Variants in TPM4 observed in about 807,000 individuals in gnomAD.
TPM4 encodes the protein tropomyosin alpha-4 chain.
TPM4 carries 17 observed loss-of-function variants against 35.8 expected under a neutral mutation model. The observed-to-expected ratio is 0.47, with a 90% CI of 0.32 to 0.71. TPM4 has a LOEUF of 0.71. Among genes scored for constraint, TPM4 ranks in the 30% least tolerant of loss-of-function variants. The pLI, the probability that TPM4 is intolerant of heterozygous loss-of-function variation, is 0.03. For missense variants in TPM4, 240 were observed against 320.9 expected, an observed-to-expected ratio of 0.75 and a Z score of 1.93; for synonymous variants, 120 against 122.9, an observed-to-expected ratio of 0.98 and a Z score of 0.15.
At chr19:16,085,021 C>T (rs1401979269) in intron 2 of TPM4, among the ~76,000 whole-genome samples, 2 of 152,050 alleles carry the variant, frequency 1.3e-5, no homozygotes, top group African/African-American at 2.4e-5. Flanking sequence ...CTTTGGGAGG[C>T]GGGCGGATCG....
intron 1 of TPM4, chr19:16,080,840 G>A (rs941638528): frequency 2.6e-5 from 10 of 391,620 alleles, no homozygotes; most frequent in African/African-American, 1.7e-4. Flanking sequence ...ATGACAAAGC[G>A]GGGATTCCAG....
At chr19:16,088,679 C>G in intron 4 of TPM4, 1 of 1,053,334 alleles carries the variant, frequency 9.5e-7, no homozygotes, top group South Asian at 3.3e-5. Context: ...CCCCTGCAAA[C>G]TCCCATTGCT....
chr19:16,090,069 G>A (rs1384672742), intron 5 of TPM4, among the ~76,000 whole-genome samples: 2 of 151,904 alleles, frequency 1.3e-5, no homozygotes, highest in South Asian at 4.1e-4. Flanking sequence ...GATCTCAAGT[G>A]ATCTGCCCGC....
Position 16,101,245 on chromosome 19 carries a change from T to C in TPM4, c.665-19T>C. 1 of 1,556,036 alleles carries C rather than the reference T, an allele frequency of 6.4e-7. No homozygotes were observed. The highest frequency in any genetic ancestry group is 8.7e-7 in the Non-Finnish European group (1 of 1,153,432). Reference sequence around the variant, plus strand: ...ACGCTTATTAATTTATCTTTCCCCATACTCTTAATCCTCACCAGAGAAACT... The same window carrying C: ...ACGCTTATTAATTTATCTTTCCCCACACTCTTAATCCTCACCAGAGAAACT... On this transcript the variant is annotated intron_variant, in intron 7 of 7. Transcript: ENST00000643579.
At chr19:16,085,529 G>T (rs1042648405) in intron 2 of TPM4, among the ~76,000 whole-genome samples, 1 of 151,168 alleles carries the variant, frequency 6.6e-6, no homozygotes, top group African/African-American at 2.4e-5. Context: ...GGGCACCACT[G>T]CACTCCAACC....
At chr19:16,069,352 T>C (rs1303075612) in intron 2 of TPM4, among the ~76,000 whole-genome samples, 1 of 152,218 alleles carries the variant, frequency 6.6e-6, no homozygotes, top group Non-Finnish European at 1.5e-5. Context: ...TGTGTTTCTA[T>C]TGGTGTGTAT....
intron 2 of TPM4, among the ~76,000 whole-genome samples, chr19:16,082,588 G>A (rs1053650630): frequency 7.2e-5 from 11 of 152,200 alleles, no homozygotes; most frequent in East Asian, 5.8e-4. Flanking sequence ...CAAACAGAAC[G>A]GGCAGATGTG....
At chr19:16,076,949 A>C (rs2090416018) in intron 1 of TPM4, 1 of 706,662 alleles carries the variant, frequency 1.4e-6, no homozygotes, top group South Asian at 6.2e-5. Flanking sequence ...GCCAAGCGGG[A>C]AATGGGGGGA....
At chr19:16,094,755 A>G (rs1369990054) in intron 7 of TPM4, among the ~76,000 whole-genome samples, 1 of 152,160 alleles carries the variant, frequency 6.6e-6, no homozygotes, top group Non-Finnish European at 1.5e-5. Flanking sequence ...AATTTTTTCA[A>G]GAGTTCCAGT....
At chr19:16,093,891 A>C (rs954627150) in intron 7 of TPM4, 138 bp downstream of exon 7, 1 of 810,082 alleles carries the variant, frequency 1.2e-6, no homozygotes, top group African/African-American at 1.7e-5. Flanking sequence ...TAGTGATGTC[A>C]TATCTGGATG....
At chr19:16,094,754 AAGAGT>A (rs2090673472) in intron 7 of TPM4, among the ~76,000 whole-genome samples, 2 of 152,216 alleles carry the variant, frequency 1.3e-5, no homozygotes, top group Middle Eastern at 3.4e-3. Flanking sequence ...GAATTTTTTC[AAGAGT>A]TCCAGTGTTT....
At chr19:16,098,537 G>A (rs2090727877) in intron 7 of TPM4, among the ~76,000 whole-genome samples, 5 of 152,254 alleles carry the variant, frequency 3.3e-5, no homozygotes, top group Admixed American at 3.3e-4. Flanking sequence ...GATTCTCAAG[G>A]GCAGTTAACA....
At position 16,079,792 on chromosome 19, in the gene TPM4, C is replaced by T. The variant is rs535009232; in HGVS notation, c.133-2121C>T. 9 of 177,524 alleles carry T rather than the reference C, an allele frequency of 5.1e-5. No homozygotes were observed. In the East Asian group the frequency reaches 5.7e-4, roughly 11 times the overall value. The allele number at this position is 177,524 out of a possible 1,614,324, so 11.0% of individuals were successfully genotyped here. ...TCGGCTCATTGCAACCTTCACCTCC[C>T]GGGTTCAAGCGATTCTCCTGCCTCA... On this transcript the variant is annotated intron_variant, in intron 1 of 7. Coordinates refer to ENST00000643579, the MANE Select transcript of TPM4 (RefSeq NM_003290.3).
chr19:16,068,351 T>C (rs2090319291), intron 2 of TPM4, among the ~76,000 whole-genome samples: 1 of 152,154 alleles, frequency 6.6e-6, no homozygotes, highest in Non-Finnish European at 1.5e-5. Flanking sequence ...TAATTTTGTA[T>C]TTTTAGTAGA....
chr19:16,071,116 C>G (rs2090353561), intron 2 of TPM4, among the ~76,000 whole-genome samples: 1 of 152,178 alleles, frequency 6.6e-6, no homozygotes, highest in Non-Finnish European at 1.5e-5. Context: ...TAGACTTGGG[C>G]TCAAAGCAAG....
chr19:16,096,531 T>G (rs1481142149), intron 7 of TPM4, among the ~76,000 whole-genome samples: 1 of 152,234 alleles, frequency 6.6e-6, no homozygotes, highest in East Asian at 1.9e-4. Flanking sequence ...ACAGCGGCAG[T>G]GACATTTTGA....
intron 1 of TPM4, among the ~76,000 whole-genome samples, chr19:16,078,543 C>T (rs570756354): frequency 5.9e-5 from 9 of 152,188 alleles, no homozygotes; most frequent in Non-Finnish European, 1.2e-4. Flanking sequence ...AAGCCTCAAT[C>T]GGTAGCCGGT....
upstream of TPM4, among the ~76,000 whole-genome samples, chr19:16,074,006 T>TA (rs1568298189): frequency 5.2e-4 from 33 of 63,558 alleles, no homozygotes; most frequent in African/African-American, 1.9e-3. Flanking sequence ...CAAGATCAGG[T>TA]TAAAAAAAAA....
intron 5 of TPM4, among the ~76,000 whole-genome samples, chr19:16,090,824 ATTTTTTTT>A (rs1017045831): frequency 8.1e-6 from 1 of 123,400 alleles, no homozygotes; most frequent in Non-Finnish European, 1.7e-5. Context: ...TGTGTGTGTA[ATTTTTTTT>A]TTTTTTTTTT....
Sources: gnomAD v4.1 joint callset for allele counts (sites outside exome capture counted in the v4.1 genomes callset) on GRCh38, gnomAD v4.1.1 for gene constraint, MANE v1.5 for transcripts, NCBI Gene and HGNC (gene_info 2026-07-23, HGNC 2026-07-21) for gene names.